PGCKA1: variants seen among roughly 807,000 people sequenced by gnomAD.
PGCKA1 encodes the protein PDCD10 and GCKIII kinases-associated protein 1.
At chr4:37,524,032 C>T in the PGCKA1 span, among the ~76,000 whole-genome samples, 21,058 of 152,182 alleles carry the variant, frequency 0.14, 1,544 homozygotes, top group East Asian at 0.26. Context: ...CATAGCATTT[C>T]TTTCACAGCT....
At chr4:37,462,790 C>T in the PGCKA1 span, among the ~76,000 whole-genome samples, 672 of 151,626 alleles carry the variant, frequency 4.4e-3, 9 homozygotes, top group African/African-American at 0.016. Context: ...GTCAGGAGAT[C>T]GAGGCCATCC....
At chr4:37,567,871 A>T in the PGCKA1 span, among the ~76,000 whole-genome samples, 1 of 152,200 alleles carries the variant, frequency 6.6e-6, no homozygotes. Context: ...GGGGGAAAAA[A>T]TAGTATCAGA....
the PGCKA1 span, among the ~76,000 whole-genome samples, chr4:37,488,430 A>G: frequency 1.3e-5 from 2 of 152,300 alleles, no homozygotes; most frequent in East Asian, 1.9e-4. Flanking sequence ...AAAAAAACCC[A>G]AACGGCCTGC....
chr4:37,590,201 T>C, the PGCKA1 span: 1 of 1,614,160 alleles, frequency 6.2e-7, no homozygotes. Flanking sequence ...AGCAGTGAAG[T>C]CTTGGTGCAG....
the PGCKA1 span, among the ~76,000 whole-genome samples, chr4:37,579,754 C>G: frequency 6.6e-6 from 1 of 152,088 alleles, no homozygotes; most frequent in Non-Finnish European, 1.5e-5. Flanking sequence ...TTGAGGTAGT[C>G]TTCTTTGGGT....
the PGCKA1 span, among the ~76,000 whole-genome samples, chr4:37,509,033 A>G: frequency 6.6e-6 from 1 of 150,516 alleles, no homozygotes; most frequent in Admixed American, 6.6e-5. Context: ...AGGCAGAAGA[A>G]TTTTTCTTAG....
chr4:37,471,569 CCTGTAATATCTA>C, the PGCKA1 span, among the ~76,000 whole-genome samples: 1 of 151,884 alleles, frequency 6.6e-6, no homozygotes, highest in South Asian at 2.1e-4. Context: ...GAACAGAATC[CCTGTAATATCTA>C]CTGGGAAAGA....
the PGCKA1 span, among the ~76,000 whole-genome samples, chr4:37,460,105 T>C: frequency 6.6e-6 from 1 of 152,086 alleles, no homozygotes; most frequent in African/African-American, 2.4e-5. Context: ...TCTGCTCCTG[T>C]GTTAGTTTGC....
chr4:37,479,322 A>G, the PGCKA1 span, among the ~76,000 whole-genome samples: 4 of 152,142 alleles, frequency 2.6e-5, no homozygotes, highest in East Asian at 5.8e-4. Context: ...AAATAACTAC[A>G]TGTTCCTAAG....
At chr4:37,520,319 G>T in the PGCKA1 span, among the ~76,000 whole-genome samples, 1 of 152,300 alleles carries the variant, frequency 6.6e-6, no homozygotes, top group South Asian at 2.1e-4. Flanking sequence ...GGAATAGCTT[G>T]AGTAGCGTTG....
chr4:37,518,950 G>A, the PGCKA1 span, among the ~76,000 whole-genome samples: 2 of 152,122 alleles, frequency 1.3e-5, no homozygotes, highest in African/African-American at 4.8e-5. Flanking sequence ...TTTGTATATG[G>A]CAAGAGATAA....
chr4:37,560,348 C>T, the PGCKA1 span, among the ~76,000 whole-genome samples: 4 of 152,108 alleles, frequency 2.6e-5, no homozygotes. Flanking sequence ...TTGCTTCAGC[C>T]ATGCTTGCCA....
At chr4:37,525,086 C>A in the PGCKA1 span, among the ~76,000 whole-genome samples, 1 of 152,106 alleles carries the variant, frequency 6.6e-6, no homozygotes, top group Non-Finnish European at 1.5e-5. Context: ...TTATTTCAAC[C>A]CTGCAAACGT....
the PGCKA1 span, among the ~76,000 whole-genome samples, chr4:37,525,778 G>C: frequency 1.3e-5 from 2 of 152,240 alleles, no homozygotes; most frequent in Non-Finnish European, 2.9e-5. Flanking sequence ...TACAGGGTCA[G>C]GGAAGCCTAT....
chr4:37,503,927 T>C, the PGCKA1 span, among the ~76,000 whole-genome samples: 3 of 152,226 alleles, frequency 2.0e-5, no homozygotes, highest in African/African-American at 7.2e-5. Context: ...TTGTTGATTA[T>C]TTCCTTTGCT....
chr4:37,523,258 AAC>A, the PGCKA1 span, among the ~76,000 whole-genome samples: 1 of 152,100 alleles, frequency 6.6e-6, no homozygotes, highest in African/African-American at 2.4e-5. Context: ...TTTCTGCCCT[AAC>A]AAAATGCACT....
At chr4:37,587,752 T>C in the PGCKA1 span, among the ~76,000 whole-genome samples, 1 of 152,188 alleles carries the variant, frequency 6.6e-6, no homozygotes, top group Non-Finnish European at 1.5e-5. Context: ...GCAGATCACT[T>C]GAGGTCAGGA....
At chr4:37,564,274 CAA>C in the PGCKA1 span, among the ~76,000 whole-genome samples, 8 of 44,780 alleles carry the variant, frequency 1.8e-4, no homozygotes, top group Admixed American at 2.6e-4. Flanking sequence ...GACTCTGTCT[CAA>C]AAAAAAAAAA....
At chr4:37,536,205 G>A in the PGCKA1 span, among the ~76,000 whole-genome samples, 1 of 152,136 alleles carries the variant, frequency 6.6e-6, no homozygotes. Flanking sequence ...TTGGGATAGG[G>A]GCACAGCGGG....
Sources: gnomAD v4.1 joint callset for allele counts (sites outside exome capture counted in the v4.1 genomes callset) on GRCh38, gnomAD v4.1.1 for gene constraint, MANE v1.5 for transcripts, NCBI Gene and HGNC (gene_info 2026-07-23, HGNC 2026-07-21) for gene names.